GRM8: variants seen among roughly 807,000 people sequenced by gnomAD.
GRM8 encodes metabotropic glutamate receptor 8.
A neutral mutation model predicts 87.2 loss-of-function variants in GRM8; 47 were observed. The ratio of observed to expected loss-of-function variants is 0.54; its 90% CI spans 0.43 to 0.69. GRM8 has a LOEUF of 0.69. Among genes scored for constraint, GRM8 ranks in the 30% least tolerant of loss-of-function variants. The probability of loss-of-function intolerance (pLI) is 0.00; values close to 1 mark genes in which losing one functional copy is unlikely to be tolerated. For missense variants in GRM8, 1,019 were observed against 1,139.2 expected (o/e 0.89, Z 1.52); for synonymous variants, 396 against 404.5 (o/e 0.98, Z 0.25).
chr7:126,830,357 G>T (rs4403585), intron 6 of GRM8, among the ~76,000 whole-genome samples: 2 of 152,044 alleles, frequency 1.3e-5, no homozygotes, highest in Admixed American at 1.3e-4. Context: ...ACGCAGATTT[G>T]GTCTTTTCAC....
chr7:126,859,255 T>G (rs1797953599), intron 6 of GRM8, among the ~76,000 whole-genome samples: 1 of 152,192 alleles, frequency 6.6e-6, no homozygotes, highest in South Asian at 2.1e-4. Context: ...TTGAAATTTA[T>G]TAAACGTGAA....
intron 3 of GRM8, among the ~76,000 whole-genome samples, chr7:126,936,790 G>A (rs1355096369): frequency 2.0e-5 from 3 of 152,060 alleles, no homozygotes; most frequent in East Asian, 1.9e-4. Flanking sequence ...GAAGGAATCG[G>A]GGCTTTCTCT....
chr7:126,636,619 C>G (rs1182635918), intron 7 of GRM8, among the ~76,000 whole-genome samples: 2 of 151,940 alleles, frequency 1.3e-5, no homozygotes, highest in Non-Finnish European at 2.9e-5. Context: ...ATTCTGCAAC[C>G]CCCTTTTATC....
At chr7:127,068,193 T>C (rs982731029) in intron 3 of GRM8, among the ~76,000 whole-genome samples, 1 of 152,216 alleles carries the variant, frequency 6.6e-6, no homozygotes, top group Non-Finnish European at 1.5e-5. Flanking sequence ...TCATTTAGAA[T>C]CTGTGCTCAA....
chr7:126,450,394 C>T (rs752269146), intron 9 of GRM8, among the ~76,000 whole-genome samples: 44 of 151,774 alleles, frequency 2.9e-4, no homozygotes, highest in Admixed American at 1.2e-3. Context: ...GTTTTGCCCT[C>T]GATGGTTTAA....
intron 7 of GRM8, among the ~76,000 whole-genome samples, chr7:126,744,426 TCAAG>T (rs1815398181): frequency 6.6e-6 from 1 of 152,064 alleles, no homozygotes; most frequent in Non-Finnish European, 1.5e-5. Flanking sequence ...ACTCCTCAAA[TCAAG>T]TCCAGGTTTT....
intron 6 of GRM8, among the ~76,000 whole-genome samples, chr7:126,786,695 G>C (rs1467934724): frequency 6.6e-6 from 1 of 152,036 alleles, no homozygotes; most frequent in Non-Finnish European, 1.5e-5. Context: ...AACCTATCAT[G>C]TTCCTTAATA....
chr7:126,467,524 C>T (rs1465124785), intron 9 of GRM8, among the ~76,000 whole-genome samples: 1 of 151,854 alleles, frequency 6.6e-6, no homozygotes, highest in Non-Finnish European at 1.5e-5. Flanking sequence ...AATATATTCT[C>T]ATTGTGACAG....
At position 126,533,506 on chromosome 7, in the gene GRM8, G is replaced by A. The variant is rs267601270; in HGVS notation, c.1876C>T (p.Leu626=). 1.2e-6 allele frequency: 2 copies of A among 1,614,108 alleles called. No individual in the cohort carries two copies. The highest frequency in any genetic ancestry group is 4.5e-5 in the East Asian group (2 of 44,868). The change falls in exon 9 of 11, where the codon CTA becomes TTA. Residue 626 remains leucine (L), a synonymous_variant. Transcript: ENST00000339582. Reference sequence around the variant, plus strand: ...GAATAACAGAGAAAAATCCCCGTTAGGAGCACGTAACTAAGTTCGCGTCCT... The same window carrying A: ...GAATAACAGAGAAAAATCCCCGTTAAGAGCACGTAACTAAGTTCGCGTCCT... ...ASGRELSYVL[L]TGIFLCYSIT...
At chr7:127,002,685 C>A (rs1813852873) in intron 3 of GRM8, among the ~76,000 whole-genome samples, 1 of 151,694 alleles carries the variant, frequency 6.6e-6, no homozygotes, top group Admixed American at 6.6e-5. Context: ...AATACTCAGT[C>A]TTCCACCTCC....
intron 9 of GRM8, among the ~76,000 whole-genome samples, chr7:126,478,811 C>G (rs904178411): frequency 1.3e-5 from 2 of 152,002 alleles, no homozygotes; most frequent in Admixed American, 6.6e-5. Flanking sequence ...CTTGCCCTCT[C>G]TACTATTGGG....
At chr7:127,114,555 A>ACACAATCTTCCTCT in intron 2 of GRM8, among the ~76,000 whole-genome samples, 1 of 152,290 alleles carries the variant, frequency 6.6e-6, no homozygotes, top group East Asian at 1.9e-4. Context: ...CCTCTCACAA[A>ACACAATCTTCCTCT]CACAGAGCAC....
intron 9 of GRM8, among the ~76,000 whole-genome samples, chr7:126,514,547 C>T (rs1811903731): frequency 6.6e-6 from 1 of 151,986 alleles, no homozygotes. Flanking sequence ...TTTCTCTAAG[C>T]TTTTACTCAA....
intron 8 of GRM8, among the ~76,000 whole-genome samples, chr7:126,584,771 A>G (rs1795937795): frequency 6.6e-6 from 1 of 152,178 alleles, no homozygotes; most frequent in African/African-American, 2.4e-5. Flanking sequence ...TACCTAATAG[A>G]ATAAATTTAG....
intron 6 of GRM8, among the ~76,000 whole-genome samples, chr7:126,781,349 T>C (rs753712906): frequency 3.9e-5 from 6 of 152,206 alleles, no homozygotes; most frequent in Non-Finnish European, 7.3e-5. Context: ...TCATTATTTT[T>C]ATTACTTACA....
chr7:126,956,272 G>A (rs1280192803), intron 3 of GRM8, among the ~76,000 whole-genome samples: 1 of 152,010 alleles, frequency 6.6e-6, no homozygotes, highest in African/African-American at 2.4e-5. Context: ...AGGCAATGAT[G>A]AGAAAAAAAG....
At chr7:126,711,251 A>C (rs1811067905) in intron 7 of GRM8, among the ~76,000 whole-genome samples, 1 of 152,192 alleles carries the variant, frequency 6.6e-6, no homozygotes, top group Non-Finnish European at 1.5e-5. Flanking sequence ...CCATGGGCTG[A>C]AGAACAGATG....
At chr7:126,706,947 C>T (rs988481038) in intron 7 of GRM8, among the ~76,000 whole-genome samples, 1 of 152,070 alleles carries the variant, frequency 6.6e-6, no homozygotes, top group Non-Finnish European at 1.5e-5. Context: ...TTACCTCATG[C>T]CTACCTGGCC....
chr7:127,194,722 A>C (rs1429312030), intron 2 of GRM8, among the ~76,000 whole-genome samples: 1 of 152,194 alleles, frequency 6.6e-6, no homozygotes, highest in Non-Finnish European at 1.5e-5. Flanking sequence ...GGAAAATGTG[A>C]ATACCAAGTA....
Sources: gnomAD v4.1 joint callset for allele counts (sites outside exome capture counted in the v4.1 genomes callset) on GRCh38, gnomAD v4.1.1 for gene constraint, MANE v1.5 for transcripts, NCBI Gene and HGNC (gene_info 2026-07-23, HGNC 2026-07-21) for gene names.